The following BEST4 variants were observed in gnomAD, a reference collection of about 807,000 sequenced individuals.
BEST4 encodes the protein bestrophin-4.
BEST4 carries 36 observed loss-of-function variants against 47.1 expected under a neutral mutation model. The ratio of observed to expected loss-of-function variants is 0.76; its 90% confidence interval spans 0.59 to 1.01. The LOEUF (loss-of-function observed/expected upper bound fraction) is 1.01. Ranked by LOEUF, BEST4 falls within the 50% of genes least tolerant of loss-of-function variation. The pLI is 0.00. For synonymous variants in BEST4, 250 were observed against 277.8 expected (o/e 0.90, Z 1.00); for missense variants, 550 against 648.6 (o/e 0.85, Z 1.65).
At chr1:44,791,110 T>C (rs577109638), upstream of BEST4, among the ~76,000 whole-genome samples, 3 of 151,840 alleles carry the variant, frequency 2.0e-5, no homozygotes, top group African/African-American at 7.3e-5. Context: ...TTTTGTGAGA[T>C]TTCCCAGATG....
upstream of BEST4, among the ~76,000 whole-genome samples, chr1:44,789,798 G>A (rs1320751364): frequency 6.6e-6 from 1 of 152,202 alleles, no homozygotes; most frequent in South Asian, 2.1e-4. Context: ...TGAGGTAAGT[G>A]AACACTGAAA....
At chr1:44,788,808 C>T (rs1038658190), upstream of BEST4, among the ~76,000 whole-genome samples, 6 of 152,178 alleles carry the variant, frequency 3.9e-5, no homozygotes, top group African/African-American at 9.7e-5. Flanking sequence ...ATCCATGCCA[C>T]GGGGCTGACA....
rs1651168067 is a variant in BEST4 at position 44,784,972 on chromosome 1, A to ATC, written c.924_925dup (p.Ile309ArgfsTer19). 3 of 1,613,960 alleles carry ATC rather than the reference A, an allele frequency of 1.9e-6. No individual in the cohort carries two copies. Among genetic ancestry groups the ATC allele is most frequent in the Non-Finnish European group, 2.5e-6 (3 of 1,180,030 alleles). Reference sequence around the variant, plus strand: ...ATCATCCTCACCAAATGGGTTGATGATCTGTTCAGCCACCTATAGGTGGCA... The same window carrying ATC: ...ATCATCCTCACCAAATGGGTTGATGATCTCTGTTCAGCCACCTATAGGTGGCA... On this transcript the variant is annotated frameshift_variant, in exon 7 of 9. Transcript: ENST00000372207. LOFTEE classifies it high-confidence loss of function. This position sits in a 1 kb window ranked among gnomAD's most constrained non-coding sequence, Gnocchi z 6.2.
chr1:44,787,143 C>CTTT (rs34398169), intron 2 of BEST4, among the ~76,000 whole-genome samples: 26 of 105,018 alleles, frequency 2.5e-4, no homozygotes, highest in African/African-American at 7.3e-4. Context: ...TTGAGTAATT[C>CTTT]TTTTTTTTTT....
In BEST4 at chr1:44,784,236, AC is replaced by A. The variant is rs1651127936; in HGVS notation, c.1395del (p.Glu465AspfsTer55). On this transcript the variant is annotated frameshift_variant, in exon 9 of 9. Transcript: ENST00000372207. LOFTEE classifies it high-confidence loss of function. This position sits in a 1 kb window ranked among gnomAD's most constrained non-coding sequence, Gnocchi z 6.2. ...CAGGGCTCCAGGGCCTCGTCCCCGG[AC>A]TCCGCCGATTCCTCCTCGATGCGGG... ...AAARIEEESAESGDEALEP is the reference protein window; with the variant it reads ...AAARIEEESAXSGDEALEP 1 of 1,449,910 alleles carries A rather than the reference AC, an allele frequency of 6.9e-7. No individual in the cohort carries two copies. The highest frequency in any genetic ancestry group is 1.5e-5 in the African/African-American group (1 of 66,694). 89.8% of individuals were successfully genotyped at this position (1,449,910 alleles called of 1,614,324 possible).
chr1:44,785,458 G>T, intron 5 of BEST4, 141 bp downstream of exon 5: 2 of 1,186,696 alleles, frequency 1.7e-6, no homozygotes, highest in South Asian at 1.5e-5. Context: ...CTTGTTGGGG[G>T]TGGTGGGGGG....
chr1:44,788,841 C>T (rs866857632), upstream of BEST4, among the ~76,000 whole-genome samples: 66 of 152,338 alleles, frequency 4.3e-4, no homozygotes, highest in African/African-American at 1.6e-3. Flanking sequence ...GAAGCTCAGG[C>T]CTAGGAGTGC....
chr1:44,790,644 C>T (rs1651385548), upstream of BEST4, among the ~76,000 whole-genome samples: 1 of 152,180 alleles, frequency 6.6e-6, no homozygotes, highest in Non-Finnish European at 1.5e-5. Flanking sequence ...ATTACAGTGG[C>T]TCATGCCTGT....
rs1651256298 is a variant in BEST4, at chr1:44,786,764, C to T, written c.248-68G>A. The T allele has an allele frequency of 8.0e-7, 1 of 1,250,018 alleles. No homozygotes were observed. Among genetic ancestry groups the T allele is most frequent in the Non-Finnish European group, 1.1e-6 (1 of 896,240 alleles). The allele number at this position is 1,250,018 out of a possible 1,614,324, so 77.4% of individuals were successfully genotyped here. On this transcript the variant is annotated intron_variant, in intron 2 of 8. Coordinates refer to ENST00000372207, the MANE Select transcript of BEST4 (RefSeq NM_153274.3). The surrounding 1 kb of genome is among the most constrained non-coding windows in gnomAD (Gnocchi z 4.9). The stretch of plus-strand genomic sequence containing the variant: ...AGAGCCTGGGGGTCGGAGCGCCTCA[C>T]CTCCCCCAGCAAAGGGCCTGGTCCA...
At chr1:44,790,808 G>C (rs1407401392), upstream of BEST4, among the ~76,000 whole-genome samples, 1 of 152,072 alleles carries the variant, frequency 6.6e-6, no homozygotes, top group Non-Finnish European at 1.5e-5. Flanking sequence ...GTACTTGGGA[G>C]GCTGAGGTGG....
intron 5 of BEST4, 73 bp from the exon 6 acceptor site, chr1:44,785,378 A>G (rs1447658571): frequency 6.9e-7 from 1 of 1,444,062 alleles, no homozygotes; most frequent in Non-Finnish European, 9.3e-7. Context: ...GCCTCTGAGG[A>G]TCTATGGGAA....
In BEST4 at chr1:44,786,400, C is replaced by T; in HGVS notation, c.481+63G>A. ...TGGAGGCCCCTGCTCCCAGGACTCT[C>T]CCAGGCGCCACCTGCATCCGGCTGT... On this transcript the variant is annotated intron_variant, in intron 3 of 8. Transcript: ENST00000372207. The surrounding 1 kb of genome is among the most constrained non-coding windows in gnomAD (Gnocchi z 4.9). The T allele has an allele frequency of 6.9e-7, 1 of 1,449,280 alleles. No individual in the cohort carries two copies. The highest frequency in any genetic ancestry group is 2.5e-5 in the Admixed American group (1 of 40,750). 89.8% of individuals were successfully genotyped at this position (1,449,280 alleles called of 1,614,324 possible). A position where few individuals can be genotyped will look rare whatever the true frequency, so the allele number is the denominator to read the frequency against.
At chr1:44,790,974 C>A (rs191442433), upstream of BEST4, among the ~76,000 whole-genome samples, 7 of 152,118 alleles carry the variant, frequency 4.6e-5, no homozygotes, top group East Asian at 1.2e-3. Flanking sequence ...ACCAAGCAAG[C>A]TTCTTTTTCT....
In BEST4 at chr1:44,784,577, G is replaced by C. The variant is rs1332713070; in HGVS notation, c.1148+52C>G. 1.3e-6 allele frequency: 2 copies of C among 1,571,282 alleles called. No individual in the cohort carries two copies. The highest frequency in any genetic ancestry group is 1.7e-6 in the Non-Finnish European group (2 of 1,160,208). ...GAAGGACCGAGGCATCGGTGCCCCA[G>C]AGGCTGAGCGAGGACCCGCGTGCCG... On this transcript the variant is annotated intron_variant, in intron 8 of 8. Coordinates refer to ENST00000372207, the MANE Select transcript of BEST4 (RefSeq NM_153274.3). The surrounding 1 kb of genome is among the most constrained non-coding windows in gnomAD (Gnocchi z 6.2).
rs1651140155 is a variant in BEST4, at chr1:44,784,406, G to T, written c.1226C>A (p.Thr409Asn). 2.1e-6 allele frequency: 3 copies of T among 1,416,720 alleles called. No individual in the cohort carries two copies. Among genetic ancestry groups the T allele is most frequent in the Non-Finnish European group, 2.7e-6 (3 of 1,096,836 alleles). The allele number at this position is 1,416,720 out of a possible 1,614,324, so 87.8% of individuals were successfully genotyped here. The change falls in exon 9 of 9, where the codon ACC (threonine) becomes AAC (asparagine). Residue 409 changes from threonine to asparagine, a missense_variant. Around this residue, in one of 3 missense-constraint regions of BEST4, gnomAD observed 255 missense variants for 286.6 expected, o/e 0.89. Transcript: ENST00000372207. The surrounding 1 kb of genome is among the most constrained non-coding windows in gnomAD (Gnocchi z 6.2). ...GSGRPAPAAQ[T>N]PLLGRFLGVG... ...GCCCAGGAAGCGGCCGAGCAACGGG[G>T]TCTGCGCGGCGGGCGCGGGCCGACC...
Position 44,786,803 on chromosome 1 carries a change from G to A in BEST4, c.248-107C>T, listed in dbSNP as rs1651257433. 1.2e-6 allele frequency: 1 copy of A among 833,438 alleles called. No homozygotes were observed. Among genetic ancestry groups the A allele is most frequent in the East Asian group, 2.7e-5 (1 of 36,370 alleles). The allele number at this position is 833,438 out of a possible 1,614,324, so 51.6% of individuals were successfully genotyped here. On this transcript the variant is annotated intron_variant, in intron 2 of 8. Coordinates refer to ENST00000372207, the MANE Select transcript of BEST4 (RefSeq NM_153274.3). The surrounding 1 kb of genome is among the most constrained non-coding windows in gnomAD (Gnocchi z 4.9). Reference sequence around the variant, plus strand: ...GGGCCTGGTCCAGGCCAGTTGAATCGTGGCAGGGGGAAGGAAACATTCAGC... The same window carrying A: ...GGGCCTGGTCCAGGCCAGTTGAATCATGGCAGGGGGAAGGAAACATTCAGC...
chr1:44,782,280 C>T (rs974513731), downstream of BEST4, among the ~76,000 whole-genome samples: 1 of 151,358 alleles, frequency 6.6e-6, no homozygotes, highest in Non-Finnish European at 1.5e-5. Context: ...GAATGGCCAT[C>T]ATTGTGGGGT....
Position 44,786,064 on chromosome 1 carries a change from G to A in BEST4, c.636+10C>T, listed in dbSNP as rs1374238978. The A allele has an allele frequency of 6.3e-7, 1 of 1,596,414 alleles. No individual in the cohort carries two copies. The highest frequency in any genetic ancestry group is 1.4e-5 in the African/African-American group (1 of 74,008). Reference sequence around the variant, plus strand: ...GGAGGGCAGATGGGTCTGGTCCTGAGCCCACTCACTTCCAAAAGTAGACAG... The same window carrying A: ...GGAGGGCAGATGGGTCTGGTCCTGAACCCACTCACTTCCAAAAGTAGACAG... On this transcript the variant is annotated intron_variant, in intron 4 of 8. Coordinates refer to ENST00000372207, the MANE Select transcript of BEST4 (RefSeq NM_153274.3). This position sits in a 1 kb window ranked among gnomAD's most constrained non-coding sequence, Gnocchi z 4.9.
rs1010948956 is a variant in BEST4, at chr1:44,787,835, G to C, written c.-130C>G. ...TCACCCTGCGTCAGTGGACAAGGGG[G>C]TAGGAGCCTGCAGAGCAGAAAAGTA... On this transcript the variant is annotated 5_prime_UTR_variant, in exon 1 of 9. The change creates a premature stop within an existing upstream ORF in the 5' untranslated region. Coordinates refer to ENST00000372207, the MANE Select transcript of BEST4 (RefSeq NM_153274.3). The C allele has an allele frequency of 6.2e-6, 7 of 1,124,184 alleles. No homozygotes were observed. The African/African-American group carries it at 1.1e-4, about 18-fold the overall frequency. The allele number at this position is 1,124,184 out of a possible 1,614,324, so 69.6% of individuals were successfully genotyped here.
Sources: allele counts gnomAD v4.1 joint callset (sites outside exome capture counted in the v4.1 genomes callset), GRCh38; gene constraint gnomAD v4.1.1; regional missense constraint gnomAD v4.1.1; non-coding constraint Gnocchi (gnomAD v3.1); transcripts MANE v1.5; gene names NCBI Gene and HGNC (gene_info 2026-07-23, HGNC 2026-07-21).